Variants in GRM7 observed in about 807,000 individuals in gnomAD.
GRM7 encodes metabotropic glutamate receptor 7.
GRM7 carries 35 observed loss-of-function variants against 84.5 expected under a neutral mutation model. That is an observed-to-expected ratio of 0.41 (90% CI 0.32 to 0.55). GRM7 has a LOEUF of 0.55. Ranked by LOEUF, GRM7 falls within the 20% of genes least tolerant of loss-of-function variation. The pLI is 0.19. For missense variants in GRM7, 1,003 were observed against 1,194.6 expected (o/e 0.84, Z 2.36); for synonymous variants, 487 against 455.1 (o/e 1.07, Z -0.89).
intron 4 of GRM7, among the ~76,000 whole-genome samples, chr3:7,336,442 A>C (rs898972347): frequency 2.6e-5 from 4 of 152,116 alleles, no homozygotes; most frequent in Admixed American, 6.6e-5. Context: ...CAGTATACAG[A>C]ATGGGGAAAA....
At position 7,263,556 on chromosome 3, in the gene GRM7, A is replaced by G. The variant is rs372535471; in HGVS notation, c.737-35128A>G. On this transcript the variant is annotated intron_variant, in intron 2 of 9. Coordinates refer to ENST00000357716, the MANE Select transcript of GRM7 (RefSeq NM_000844.4). ...TCAGGGGCGGCTCCACCTCCACCTC[A>G]CCAGCTACTGTGCATGGTCATGTTA... is the stretch of plus-strand genomic sequence containing the variant. Among the ~76,000 whole-genome samples the G allele has an allele frequency of 5.8e-4, 89 of 152,276 alleles. 5 individuals are homozygous for G. The South Asian group carries it at 0.014, about 24-fold the overall frequency.
intron 1 of GRM7, among the ~76,000 whole-genome samples, chr3:7,103,819 TC>T (rs1699204256): frequency 1.3e-4 from 17 of 127,324 alleles, no homozygotes; most frequent in African/African-American, 6.3e-4. Context: ...TCTTTCTTTC[TC>T]TCTCTCTCTG....
chr3:7,549,341 A>G (rs1693327838), intron 7 of GRM7, among the ~76,000 whole-genome samples: 1 of 152,170 alleles, frequency 6.6e-6, no homozygotes, highest in African/African-American at 2.4e-5. Flanking sequence ...ATTGTATGCT[A>G]CATTGCCTCA....
chr3:7,707,585 T>A (rs1023432865), intron 9 of GRM7, among the ~76,000 whole-genome samples: 5 of 152,208 alleles, frequency 3.3e-5, no homozygotes, highest in African/African-American at 7.2e-5. Context: ...CTATTTTTTT[T>A]AATAATTAAA....
intron 8 of GRM7, among the ~76,000 whole-genome samples, chr3:7,647,645 T>C (rs1046929420): frequency 1.3e-5 from 2 of 152,154 alleles, no homozygotes; most frequent in African/African-American, 4.8e-5. Flanking sequence ...AGAGTAATAA[T>C]AGAGACCACT....
intron 4 of GRM7, among the ~76,000 whole-genome samples, chr3:7,332,850 C>G (rs996142241): frequency 6.6e-6 from 1 of 151,370 alleles, no homozygotes; most frequent in African/African-American, 2.5e-5. Context: ...CTAACCCTGC[C>G]CCTACTGGAT....
Position 7,118,140 on chromosome 3 carries a change from C to G in GRM7, c.520-28312C>G, listed in dbSNP as rs754503089. ...GTGGCTTATGCCAGAAATCCCAGTA[C>G]TTTGGGAGGGCAAGGTGGGAGGATC... On this transcript the variant is annotated intron_variant, in intron 1 of 9. Transcript: ENST00000357716. Among the ~76,000 whole-genome samples, 43 of 152,150 alleles carry G rather than the reference C, an allele frequency of 2.8e-4. 1 individual carries two copies. Among genetic ancestry groups the G allele is most frequent in the Non-Finnish European group, 5.9e-4 (40 of 68,014 alleles).
chr3:6,902,387 T>G (rs1696419870), intron 1 of GRM7, among the ~76,000 whole-genome samples: 1 of 152,180 alleles, frequency 6.6e-6, no homozygotes, highest in South Asian at 2.1e-4. Flanking sequence ...TTTTTATCAT[T>G]TGGAGAAAGA....
intron 4 of GRM7, among the ~76,000 whole-genome samples, chr3:7,359,124 A>AG (rs1162841904): frequency 1.5e-5 from 2 of 137,128 alleles, no homozygotes; most frequent in Admixed American, 7.5e-5. Context: ...AAAAAAAAAA[A>AG]AAAGAAAAAA....
intron 1 of GRM7, among the ~76,000 whole-genome samples, chr3:6,914,593 G>A (rs1374045261): frequency 6.6e-6 from 1 of 151,838 alleles, no homozygotes; most frequent in Non-Finnish European, 1.5e-5. Flanking sequence ...AGTAGAGATG[G>A]GGTTTCACCA....
At chr3:7,616,864 T>C (rs1697104642) in intron 8 of GRM7, among the ~76,000 whole-genome samples, 1 of 152,150 alleles carries the variant, frequency 6.6e-6, no homozygotes, top group Admixed American at 6.6e-5. Flanking sequence ...AAAGTTGTGC[T>C]TTCTGGATGG....
At chr3:7,672,421 T>G (rs549379222) in intron 8 of GRM7, among the ~76,000 whole-genome samples, 56 of 152,276 alleles carry the variant, frequency 3.7e-4, no homozygotes, top group South Asian at 3.3e-3. Context: ...TTGGCTACAT[T>G]TTTCATTTTT....
intron 2 of GRM7, among the ~76,000 whole-genome samples, chr3:7,245,697 G>T (rs1023489720): frequency 2.0e-5 from 3 of 151,932 alleles, no homozygotes; most frequent in Admixed American, 6.6e-5. Context: ...AAAACATAAG[G>T]GAAATGATGC....
intron 7 of GRM7, among the ~76,000 whole-genome samples, chr3:7,550,549 C>T (rs1462126934): frequency 3.8e-5 from 3 of 79,068 alleles, no homozygotes; most frequent in African/African-American, 2.1e-4. Context: ...CCCTTTTCTT[C>T]TCTCTCTCTC....
chr3:7,720,176 G>A (rs369846681), intron 9 of GRM7, among the ~76,000 whole-genome samples: 72 of 152,254 alleles, frequency 4.7e-4, no homozygotes, highest in African/African-American at 1.7e-3. Flanking sequence ...TCACAGCAAA[G>A]CTGGGATTTA....
rs567509392 is a variant in GRM7, at chr3:7,238,996, C to CTTTTTTTTTTTTTTTT, written c.737-59688_737-59687insTTTTTTTTTTTTTTTT. Among the ~76,000 whole-genome samples, 3 of 118,352 alleles carry CTTTTTTTTTTTTTTTT rather than the reference C, an allele frequency of 2.5e-5. 1 individual carries two copies. The highest frequency in any genetic ancestry group is 3.3e-5 in the African/African-American group (1 of 30,392). The allele number at this position is 118,352 out of a possible 152,430, so 77.6% of individuals were successfully genotyped here. A position where few individuals can be genotyped will look rare whatever the true frequency, so the allele number is the denominator to read the frequency against. On this transcript the variant is annotated intron_variant, in intron 2 of 9. Coordinates refer to ENST00000357716, the MANE Select transcript of GRM7 (RefSeq NM_000844.4). ...TTCTTTTCCCTTTCTTTTCTTTTTTCCTTTTTCTTTTTTTTGACATGGTCT... is the reference window on the plus strand; with the variant it reads ...TTCTTTTCCCTTTCTTTTCTTTTTTCTTTTTTTTTTTTTTTTCTTTTTCTTTTTTTTGACATGGTCT...
At chr3:7,464,922 G>A (rs768971379) in intron 7 of GRM7, among the ~76,000 whole-genome samples, 9 of 151,952 alleles carry the variant, frequency 5.9e-5, no homozygotes, top group Non-Finnish European at 1.3e-4. Context: ...CTTGAACCCA[G>A]GAGGCGGAGG....
At chr3:7,328,559 A>G (rs957328793) in intron 4 of GRM7, among the ~76,000 whole-genome samples, 2 of 152,114 alleles carry the variant, frequency 1.3e-5, no homozygotes, top group Non-Finnish European at 2.9e-5. Context: ...GTGAGTCACT[A>G]AGTCAACCTG....
At chr3:6,907,443 G>A (rs1180895082) in intron 1 of GRM7, among the ~76,000 whole-genome samples, 1 of 152,088 alleles carries the variant, frequency 6.6e-6, no homozygotes, top group Admixed American at 6.5e-5. Flanking sequence ...CAAAATTATT[G>A]GCAAGAAGCG....
Sources: gnomAD v4.1 joint callset for allele counts (sites outside exome capture counted in the v4.1 genomes callset) on GRCh38, gnomAD v4.1.1 for gene constraint, MANE v1.5 for transcripts, NCBI Gene and HGNC (gene_info 2026-07-23, HGNC 2026-07-21) for gene names.